Variants in SPATA13 observed in about 807,000 individuals in gnomAD.
SPATA13 encodes spermatogenesis associated 13.
In SPATA13, 50 loss-of-function variants were observed where a neutral mutation model predicts 104.0. The ratio of observed to expected loss-of-function variants is 0.48; its 90% CI spans 0.38 to 0.61. The LOEUF (loss-of-function observed/expected upper bound fraction) is 0.61. SPATA13 is among the 20% of genes least tolerant of loss of function. SPATA13 has a pLI of 0.00. For synonymous variants in SPATA13, 606 were observed against 667.5 expected (o/e 0.91, Z 1.42); for missense variants, 1,524 against 1,690.6 (o/e 0.90, Z 1.73).
chr13:24,149,829 T>G, intron 3 of SPATA13, among the ~76,000 whole-genome samples: 1 of 151,910 alleles, frequency 6.6e-6, no homozygotes, highest in South Asian at 2.1e-4. Flanking sequence ...TTGAACTCGG[T>G]TGTGTGGGTG....
intron 2 of SPATA13, among the ~76,000 whole-genome samples, chr13:24,245,799 C>T (rs973441233): frequency 3.3e-5 from 5 of 151,916 alleles, no homozygotes; most frequent in East Asian, 1.9e-4. Flanking sequence ...GTGTTGCCCA[C>T]GCTGGTCTTG....
intron 3 of SPATA13, among the ~76,000 whole-genome samples, chr13:24,030,047 AAC>A (rs148818951): frequency 0.51 from 72,800 of 143,574 alleles, 19,023 homozygotes; most frequent in East Asian, 0.68. Flanking sequence ...ACCTTCTCCT[AAC>A]ACACACACAC....
At chr13:24,042,779 G>A (rs1415402868) in intron 3 of SPATA13, among the ~76,000 whole-genome samples, 1 of 152,182 alleles carries the variant, frequency 6.6e-6, no homozygotes, top group East Asian at 1.9e-4. Context: ...CAGCGGTGGA[G>A]CCCAAGAATC....
intron 1 of SPATA13, among the ~76,000 whole-genome samples, chr13:24,189,883 C>A (rs1593397697): frequency 3.1e-4 from 5 of 16,260 alleles, no homozygotes; most frequent in African/African-American, 2.9e-4. Context: ...AATTATATAT[C>A]ATAATATATA....
chr13:24,043,654 C>T, intron 3 of SPATA13, among the ~76,000 whole-genome samples: 1 of 139,904 alleles, frequency 7.1e-6, no homozygotes, highest in East Asian at 2.3e-4. Context: ...AATTGTATGT[C>T]TCTCGTAACT....
At chr13:24,107,734 C>T (rs2137809119) in intron 3 of SPATA13, among the ~76,000 whole-genome samples, 1 of 152,250 alleles carries the variant, frequency 6.6e-6, no homozygotes, top group Non-Finnish European at 1.5e-5. Context: ...ATGGGAGTTC[C>T]CAGATCCCAG....
chr13:24,301,718 G>A (rs1211876940), intron 12 of SPATA13, among the ~76,000 whole-genome samples: 1 of 152,198 alleles, frequency 6.6e-6, no homozygotes. Flanking sequence ...CCTGCTTTCA[G>A]GGCCCACCCT....
At chr13:24,017,263 C>A (rs1272812467) in intron 2 of SPATA13, among the ~76,000 whole-genome samples, 6 of 152,190 alleles carry the variant, frequency 3.9e-5, no homozygotes. Flanking sequence ...ATTCTCTTAT[C>A]CTCATCCGAG....
At chr13:24,264,522 A>G (rs578000813) in intron 4 of SPATA13, among the ~76,000 whole-genome samples, 3 of 152,372 alleles carry the variant, frequency 2.0e-5, no homozygotes, top group East Asian at 3.9e-4. Flanking sequence ...TTTCCATTCT[A>G]TTCAGTTTCC....
At position 24,173,104 on chromosome 13, in the gene SPATA13, G is replaced by A. The variant is rs1054693694; in HGVS notation, c.-112+12172G>A. 2.6e-5 allele frequency among the ~76,000 whole-genome samples: 4 copies of A among 152,092 alleles called. No homozygotes were observed. The East Asian group carries it at 5.8e-4, about 22-fold the overall frequency. On this transcript the variant is annotated intron_variant, in intron 1 of 12. Transcript: ENST00000382108. ...GTAAATATATACTTTTTGAGACACA[G>A]TCTTGCTCCGTCATCCAGGCTGGAG...
chr13:24,223,328 C>T lies in SPATA13; in HGVS notation c.399C>T (p.Ala133=). The T allele has an allele frequency of 6.4e-7, 1 of 1,551,486 alleles. No homozygotes were observed. The highest frequency in any genetic ancestry group is 8.7e-7 in the Non-Finnish European group (1 of 1,147,000). Residue 133 remains alanine (A), a synonymous_variant, in exon 2 of 13, where the codon GCC becomes GCT. Coordinates refer to ENST00000382108, the MANE Select transcript of SPATA13 (RefSeq NM_001166271.3). The part of the protein sequence containing the change: ...KGIQSREGSN[A]CSKGEASEHG... The stretch of plus-strand genomic sequence containing the variant: ...TTCAGAGCCGAGAGGGGTCAAATGC[C>T]TGTTCAAAGGGAGAGGCTTCGGAGC...
At chr13:24,160,650 A>G (rs1882429692), upstream of SPATA13, 4 of 813,420 alleles carry the variant, frequency 4.9e-6, no homozygotes, top group Admixed American at 5.5e-4. Context: ...GTGGCCTGAT[A>G]TGGGGCGGGG....
rs528560969 is a variant in SPATA13 at position 24,223,942 on chromosome 13, G to A, written c.1013G>A (p.Arg338Lys). The change falls in exon 2 of 13, where the codon AGG (arginine) becomes AAG (lysine). Residue 338 changes from arginine to lysine, a missense_variant. Around this residue, in one of 2 missense-constraint regions of SPATA13, gnomAD observed 1,089 missense variants for 1,135.9 expected, o/e 0.96. Transcript: ENST00000382108. ...TEAAWRRESP[R>K]SGAPSPGEAS... ...GCTGCCTGGAGGAGGGAGAGTCCTA[G>A]GAGTGGGGCCCCATCCCCTGGAGAG... 165 of 1,550,828 alleles carry A rather than the reference G, an allele frequency of 1.1e-4. No homozygotes were observed. In the African/African-American group the frequency reaches 2.1e-3, roughly 19 times the overall value.
In SPATA13 at chr13:24,032,473, T is replaced by C. The variant is rs570871524; in HGVS notation, c.-112+14772T>C. On this transcript the variant is annotated intron_variant, in intron 3 of 14. Transcript: ENST00000424834. ...GCATTAGGAATAAATGGAATGTTGTTGGAATCAGTTCAGCTCTGTCTCTGC... is the reference window on the plus strand; with the variant it reads ...GCATTAGGAATAAATGGAATGTTGTCGGAATCAGTTCAGCTCTGTCTCTGC... Among the ~76,000 whole-genome samples the C allele has an allele frequency of 3.3e-5, 5 of 152,338 alleles. No homozygotes were observed. In the South Asian group the frequency reaches 8.3e-4, roughly 25 times the overall value.
chr13:24,195,673 G>A (rs561901917), intron 1 of SPATA13, among the ~76,000 whole-genome samples: 1 of 152,140 alleles, frequency 6.6e-6, no homozygotes, highest in South Asian at 2.1e-4. Flanking sequence ...TCTACAAGGG[G>A]GTTTTCTAGG....
intron 3 of SPATA13, among the ~76,000 whole-genome samples, chr13:24,022,426 A>G (rs966164149): frequency 6.6e-6 from 1 of 152,244 alleles, no homozygotes; most frequent in Non-Finnish European, 1.5e-5. Context: ...TTTTCTTTTT[A>G]AGATAGAAAT....
chr13:24,174,073 C>A (rs1883110716), intron 1 of SPATA13, among the ~76,000 whole-genome samples: 1 of 152,176 alleles, frequency 6.6e-6, no homozygotes, highest in East Asian at 1.9e-4. Context: ...AATTCTCCAG[C>A]AAAACCACCT....
intron 3 of SPATA13, among the ~76,000 whole-genome samples, chr13:24,137,593 CT>C (rs1314832876): frequency 6.6e-6 from 1 of 152,166 alleles, no homozygotes; most frequent in African/African-American, 2.4e-5. Context: ...AACCCCACCA[CT>C]ACAAAAAATA....
chr13:24,273,964 A>G (rs1391315992), intron 4 of SPATA13, among the ~76,000 whole-genome samples: 1 of 152,212 alleles, frequency 6.6e-6, no homozygotes, highest in Non-Finnish European at 1.5e-5. Context: ...TGCTGAGATT[A>G]CAGGCATGAG....
Sources: allele counts gnomAD v4.1 joint callset (sites outside exome capture counted in the v4.1 genomes callset), GRCh38; gene constraint gnomAD v4.1.1; regional missense constraint gnomAD v4.1.1; transcripts MANE v1.5; gene names NCBI Gene and HGNC (gene_info 2026-07-23, HGNC 2026-07-21).